The following GSR variants were observed in gnomAD, a reference collection of about 807,000 sequenced individuals.
GSR encodes the protein glutathione-disulfide reductase.
Under a neutral mutation model 56.5 loss-of-function variants are expected in GSR, and 48 were observed. The ratio of observed to expected loss-of-function variants is 0.85; its 90% confidence interval spans 0.67 to 1.08. GSR has a LOEUF of 1.08. GSR is among the 50% of genes least tolerant of loss of function. The pLI, the probability that GSR is intolerant of heterozygous loss-of-function variation, is 0.00. For synonymous variants in GSR, 264 were observed against 270.8 expected (o/e 0.97, Z 0.25); for missense variants, 694 against 703.3 (o/e 0.99, Z 0.15).
intron 1 of GSR, among the ~76,000 whole-genome samples, chr8:30,715,805 T>C (rs1163656801): frequency 1.3e-5 from 2 of 152,262 alleles, no homozygotes; most frequent in African/African-American, 2.4e-5. Context: ...TACTCTCACA[T>C]ACCATCAGTT....
chr8:30,702,319 CTAAATAAATAAA>C (rs531638931), intron 5 of GSR, among the ~76,000 whole-genome samples: 156 of 150,992 alleles, frequency 1.0e-3, no homozygotes, highest in Non-Finnish European at 1.5e-3. Flanking sequence ...GACTCTGTCT[CTAAATAAATAAA>C]TAAATAAATA....
chr8:30,727,402 T>G (rs1202935545), intron 1 of GSR, 128 bp downstream of exon 1: 4 of 908,954 alleles, frequency 4.4e-6, no homozygotes, highest in Non-Finnish European at 4.9e-6. Context: ...GAATGGGGAG[T>G]TGCGGGGGTG....
chr8:30,701,336 C>T (rs1196263231), intron 5 of GSR, among the ~76,000 whole-genome samples: 3 of 152,076 alleles, frequency 2.0e-5, no homozygotes, highest in East Asian at 3.9e-4. Flanking sequence ...TGTGGTGGCG[C>T]ATGCCTGTAA....
At chr8:30,699,183 C>T (rs1196362921) in intron 6 of GSR, among the ~76,000 whole-genome samples, 5 of 151,828 alleles carry the variant, frequency 3.3e-5, no homozygotes, top group Non-Finnish European at 7.4e-5. Flanking sequence ...CCCAGCTACT[C>T]GGGAGGCTGA....
chr8:30,702,291 G>A (rs763637121), intron 5 of GSR, among the ~76,000 whole-genome samples: 51 of 151,982 alleles, frequency 3.4e-4, no homozygotes, highest in Non-Finnish European at 5.9e-4. Context: ...CTGCACTCCA[G>A]CCTGGGTGAC....
chr8:30,684,932 T>C (rs1459044724), intron 9 of GSR, among the ~76,000 whole-genome samples: 3 of 310 alleles, frequency 9.7e-3, no homozygotes, highest in Non-Finnish European at 0.013. Flanking sequence ...AACATACATT[T>C]ATTTATTTAT....
chr8:30,724,078 A>G (rs10094209), intron 1 of GSR, among the ~76,000 whole-genome samples: 16,564 of 152,160 alleles, frequency 0.11, 2,810 homozygotes, highest in African/African-American at 0.36. Flanking sequence ...GGGAGAACCA[A>G]TCTTAAACTT....
intron 1 of GSR, among the ~76,000 whole-genome samples, chr8:30,724,260 G>A (rs891069968): frequency 1.3e-5 from 2 of 152,154 alleles, no homozygotes; most frequent in African/African-American, 4.8e-5. Context: ...CTTCTATTGG[G>A]CATCGCCAAG....
At chr8:30,685,985 C>CAAAAAA (rs71206274) in intron 9 of GSR, among the ~76,000 whole-genome samples, 581 of 37,222 alleles carry the variant, frequency 0.016, 27 homozygotes, top group East Asian at 0.033. Context: ...GACTCTGCCT[C>CAAAAAA]AAAAAAAAAA....
At chr8:30,710,356 C>A (rs958378294) in intron 2 of GSR, among the ~76,000 whole-genome samples, 5 of 151,312 alleles carry the variant, frequency 3.3e-5, no homozygotes, top group African/African-American at 1.2e-4. Context: ...ATCTACTATA[C>A]CTTGCTAACT....
Position 30,727,613 on chromosome 8 carries a change from C to A in GSR, c.223G>T (p.Gly75Cys). The change falls in exon 1 of 13, where the codon GGC (glycine) becomes TGC (cysteine). Residue 75 changes from glycine (G) to cysteine (C), a missense_variant. Coordinates refer to ENST00000221130, the MANE Select transcript of GSR (RefSeq NM_000637.5). ...YDYLVIGGGS[G>C]GLASARRAAE... ...GCCCTGCGCGCGCTGGCCAGCCCGC[C>A]CGAGCCGCCCCCGATCACCAGGTAG... The A allele has an allele frequency of 6.6e-7, 1 of 1,512,532 alleles. No individual in the cohort carries two copies. The highest frequency in any genetic ancestry group is 1.2e-5 in the South Asian group (1 of 81,384). The allele number at this position is 1,512,532 out of a possible 1,614,324, so 93.7% of individuals were successfully genotyped here.
intron 2 of GSR, among the ~76,000 whole-genome samples, chr8:30,710,733 AAAAAAAAAAAAAGAAAAG>A: frequency 1.9e-5 from 2 of 103,442 alleles, no homozygotes; most frequent in Non-Finnish European, 3.9e-5. Context: ...AAAAAAAAAA[AAAAAAAAAAAAAGAAAAG>A]AAAAAAAAGA....
At chr8:30,692,397 T>C (rs1480958961) in intron 8 of GSR, among the ~76,000 whole-genome samples, 5 of 151,330 alleles carry the variant, frequency 3.3e-5, no homozygotes, top group African/African-American at 1.2e-4. Flanking sequence ...AGTTTCTCCA[T>C]GTTGGTCAGG....
At chr8:30,684,024 T>G (rs1244831990) in intron 10 of GSR, 64 bp downstream of exon 10, 3 of 858,872 alleles carry the variant, frequency 3.5e-6, no homozygotes, top group Middle Eastern at 2.2e-4. Flanking sequence ...GATTTGACAG[T>G]GAAGAGCCAG....
At position 30,692,196 on chromosome 8, in the gene GSR, C is replaced by CTTTTTTTTTT. The variant is rs71206279; in HGVS notation, c.882+763_882+772dup. 1.8e-4 allele frequency among the ~76,000 whole-genome samples: 14 copies of CTTTTTTTTTT among 76,434 alleles called. 1 individual carries two copies. The highest frequency in any genetic ancestry group is 2.3e-4 in the Non-Finnish European group (10 of 42,978). The allele number at this position is 76,434 out of a possible 152,430, so 50.1% of individuals were successfully genotyped here. A position where few individuals can be genotyped will look rare whatever the true frequency, so the allele number is the denominator to read the frequency against. On this transcript the variant is annotated intron_variant, in intron 8 of 12. Coordinates refer to ENST00000221130, the MANE Select transcript of GSR (RefSeq NM_000637.5). ...CTTCAAGGCTGAATGTAAAATACAGCTTTTTTTTTTTTTTTTTTTTTTTTT... is the reference window on the plus strand; with the variant it reads ...CTTCAAGGCTGAATGTAAAATACAGCTTTTTTTTTTTTTTTTTTTTTTTTTTTTTTTTTTT...
intron 8 of GSR, among the ~76,000 whole-genome samples, chr8:30,689,975 T>A (rs2128740247): frequency 7.6e-6 from 1 of 131,304 alleles, no homozygotes; most frequent in African/African-American, 2.7e-5. Flanking sequence ...TTATTATATA[T>A]ATAAATGTAT....
chr8:30,715,284 C>A (rs1387248060), intron 1 of GSR, among the ~76,000 whole-genome samples: 1 of 152,024 alleles, frequency 6.6e-6, no homozygotes, highest in African/African-American at 2.4e-5. Flanking sequence ...CAGAGCCAGA[C>A]CCTACCTCTA....
chr8:30,696,456 C>T lies in GSR; in HGVS notation c.719G>A (p.Gly240Asp), dbSNP rs759541499. 2.5e-6 allele frequency: 4 copies of T among 1,612,910 alleles called. No individual in the cohort carries two copies. The South Asian group carries it at 4.4e-5, about 18-fold the overall frequency. ...CCCTGCCATCTCCACAGCAATGTAACCTGCACCAACAATGACGCTGCGGCT... is the reference window on the plus strand; with the variant it reads ...CCCTGCCATCTCCACAGCAATGTAATCTGCACCAACAATGACGCTGCGGCT... ...LPGRSVIVGA[G>D]YIAVEMAGIL... is the part of the protein sequence containing the mutation. The change falls in exon 7 of 13, where the codon GGT becomes GAT. Residue 240 changes from glycine (G) to aspartate (D), a missense_variant. Physicochemically the swap from Gly to Asp is moderately conservative, Grantham distance 94. Transcript: ENST00000221130.
At chr8:30,724,860 C>G (rs1194719760) in intron 1 of GSR, among the ~76,000 whole-genome samples, 1 of 152,082 alleles carries the variant, frequency 6.6e-6, no homozygotes, top group Non-Finnish European at 1.5e-5. Context: ...TTCTTATGAG[C>G]CTCAGTAAAT....
Sources: allele counts gnomAD v4.1 joint callset (sites outside exome capture counted in the v4.1 genomes callset), GRCh38; gene constraint gnomAD v4.1.1; transcripts MANE v1.5; gene names NCBI Gene and HGNC (gene_info 2026-07-23, HGNC 2026-07-21).